OPCML: variants seen among roughly 807,000 people sequenced by gnomAD.
OPCML encodes opioid-binding protein/cell adhesion molecule.
A neutral mutation model predicts 37.8 loss-of-function variants in OPCML; 13 were observed. That is an observed-to-expected ratio of 0.34 (90% CI 0.22 to 0.55). The LOEUF is 0.55. OPCML is among the 20% of genes least tolerant of loss of function. The pLI is 0.91. For missense variants in OPCML, 341 were observed against 435.6 expected (o/e 0.78, Z 1.93); for synonymous variants, 176 against 168.8 (o/e 1.04, Z -0.33).
intron 4 of OPCML, among the ~76,000 whole-genome samples, chr11:132,445,641 G>A (rs964545644): frequency 2.6e-5 from 4 of 152,166 alleles, no homozygotes; most frequent in South Asian, 4.1e-4. Flanking sequence ...CTTATGGATG[G>A]TGAACATGGT....
rs373665250 is a variant in OPCML, at chr11:132,955,929, C to T, written c.62-12919G>A. 4.9e-4 allele frequency among the ~76,000 whole-genome samples: 75 copies of T among 152,286 alleles called. 1 individual carries two copies. In the Middle Eastern group the frequency reaches 0.014, roughly 28 times the overall value. ...CTGAACCTTTTCCTATTTCCCTCAA[C>T]ATTCATTGCTGTATTACCAGCACCC... On this transcript the variant is annotated intron_variant, in intron 1 of 7. Transcript: ENST00000524381.
At chr11:133,144,540 AGCCT>A (rs1247535103) in intron 1 of OPCML, among the ~76,000 whole-genome samples, 3 of 152,342 alleles carry the variant, frequency 2.0e-5, no homozygotes, top group Non-Finnish European at 4.4e-5. Context: ...AGCCCAGGGA[AGCCT>A]TCAGCTGTGC....
chr11:132,819,090 C>T (rs1372004319), intron 2 of OPCML, among the ~76,000 whole-genome samples: 1 of 149,914 alleles, frequency 6.7e-6, no homozygotes, highest in African/African-American at 2.4e-5. Flanking sequence ...GTCATATTTC[C>T]TTGCCTTTTC....
intron 4 of OPCML, among the ~76,000 whole-genome samples, chr11:132,494,751 AC>A (rs2096226061): frequency 6.6e-6 from 1 of 152,238 alleles, no homozygotes; most frequent in Non-Finnish European, 1.5e-5. Flanking sequence ...AAAAAACAAA[AC>A]AAAAACTGAA....
chr11:132,986,494 T>C (rs1946683609), intron 1 of OPCML, among the ~76,000 whole-genome samples: 1 of 152,178 alleles, frequency 6.6e-6, no homozygotes, highest in South Asian at 2.1e-4. Context: ...TTTAGGAATG[T>C]GCATGATTAT....
intron 3 of OPCML, among the ~76,000 whole-genome samples, chr11:132,597,073 T>G (rs1263794185): frequency 1.3e-5 from 2 of 152,176 alleles, no homozygotes; most frequent in South Asian, 4.1e-4. Flanking sequence ...TGGCTAAATA[T>G]AGAACACAAG....
chr11:133,513,937 G>C (rs866399095), intron 1 of OPCML, among the ~76,000 whole-genome samples: 2 of 152,250 alleles, frequency 1.3e-5, no homozygotes, highest in South Asian at 2.1e-4. Context: ...AGCCAGCAAG[G>C]TCAGTTGAAT....
At chr11:133,075,049 C>A (rs945199540) in intron 1 of OPCML, among the ~76,000 whole-genome samples, 1 of 152,168 alleles carries the variant, frequency 6.6e-6, no homozygotes. Context: ...AGTGTGCGTG[C>A]AGTGGACGTC....
intron 1 of OPCML, among the ~76,000 whole-genome samples, chr11:133,363,537 A>G (rs779004251): frequency 1.3e-4 from 20 of 152,190 alleles, no homozygotes; most frequent in Non-Finnish European, 2.8e-4. Flanking sequence ...GGCTATTGCT[A>G]TAATAGAGAT....
intron 2 of OPCML, among the ~76,000 whole-genome samples, chr11:132,805,484 G>C (rs1482377169): frequency 6.6e-6 from 1 of 152,208 alleles, no homozygotes; most frequent in African/African-American, 2.4e-5. Context: ...AATATAAAGA[G>C]AACCACACCT....
intron 1 of OPCML, among the ~76,000 whole-genome samples, chr11:133,097,390 A>G (rs939957176): frequency 7.9e-5 from 12 of 152,210 alleles, no homozygotes; most frequent in Non-Finnish European, 1.8e-4. Context: ...ATGCACGTAA[A>G]GCATGCTTAG....
In OPCML at chr11:132,415,449, T is replaced by A. The variant is rs1356828591; in HGVS notation, c.*4744A>T. ...TTCCGAACGATTAAAAATGCTCCCT[T>A]TAACTAACACAAGGGCAGCTTGCAG... is the stretch of plus-strand genomic sequence containing the variant. On this transcript the variant is annotated 3_prime_UTR_variant, in exon 8 of 8. Transcript: ENST00000524381. 3 of 152,200 alleles carry A rather than the reference T, an allele frequency of 2.0e-5. No individual in the cohort carries two copies. Among genetic ancestry groups the A allele is most frequent in the Non-Finnish European group, 4.4e-5 (3 of 68,044 alleles). 9.4% of individuals were successfully genotyped at this position (152,200 alleles called of 1,614,324 possible).
chr11:132,781,983 A>T (rs1947044437), intron 2 of OPCML, among the ~76,000 whole-genome samples: 1 of 137,322 alleles, frequency 7.3e-6, no homozygotes, highest in Admixed American at 7.6e-5. Flanking sequence ...CTTGAGAGAG[A>T]GAGAGAAGGA....
intron 2 of OPCML, chr11:132,860,395 G>A (rs1349653321): frequency 6.6e-6 from 1 of 152,152 alleles, no homozygotes; most frequent in Non-Finnish European, 1.5e-5. Context: ...ATTTTTAAAT[G>A]GAACAACGTT....
At chr11:132,533,756 G>T (rs2096332750) in intron 3 of OPCML, among the ~76,000 whole-genome samples, 1 of 151,910 alleles carries the variant, frequency 6.6e-6, no homozygotes, top group Admixed American at 6.6e-5. Flanking sequence ...AATTCCCTCT[G>T]CTTGGAAAAC....
chr11:132,928,894 C>A (rs746633028), intron 2 of OPCML, among the ~76,000 whole-genome samples: 1 of 151,302 alleles, frequency 6.6e-6, no homozygotes, highest in Non-Finnish European at 1.5e-5. Context: ...ATTTTTATAA[C>A]AATCTTGTGA....
intron 2 of OPCML, among the ~76,000 whole-genome samples, chr11:132,736,321 T>C (rs995490201): frequency 6.6e-6 from 1 of 152,226 alleles, no homozygotes; most frequent in South Asian, 2.1e-4. Context: ...AGAACTGATG[T>C]AAATGATGAG....
chr11:132,432,682 G>C (rs1040441454), intron 7 of OPCML, among the ~76,000 whole-genome samples: 2 of 152,130 alleles, frequency 1.3e-5, no homozygotes, highest in African/African-American at 4.8e-5. Context: ...GTGAGCTACT[G>C]TGTGTAGAAC....
At chr11:132,725,183 C>A (rs569565561) in intron 2 of OPCML, among the ~76,000 whole-genome samples, 2 of 152,340 alleles carry the variant, frequency 1.3e-5, no homozygotes, top group Admixed American at 1.3e-4. Context: ...ACCCCTGCAG[C>A]AAACTTCTGC....
Sources: gnomAD v4.1 joint callset for allele counts (sites outside exome capture counted in the v4.1 genomes callset) on GRCh38, gnomAD v4.1.1 for gene constraint, MANE v1.5 for transcripts, NCBI Gene and HGNC (gene_info 2026-07-23, HGNC 2026-07-21) for gene names.